The following PLEKHA5 variants were observed in gnomAD, a reference collection of about 807,000 sequenced individuals.
PLEKHA5 encodes pleckstrin homology domain-containing family A member 5.
In PLEKHA5, 55 loss-of-function variants were observed where a neutral mutation model predicts 181.9. That is an observed-to-expected ratio of 0.30 (90% CI 0.24 to 0.38). The LOEUF (loss-of-function observed/expected upper bound fraction) is 0.38, where lower values mean the gene tolerates loss of function less well. PLEKHA5 is among the 10% of genes least tolerant of loss of function. The pLI is 1.00. For missense variants in PLEKHA5, 1,432 were observed against 1,549.5 expected (o/e 0.92, Z 1.27); for synonymous variants, 535 against 529.4 (o/e 1.01, Z -0.15).
chr12:19,192,729 T>A (rs1034568682), intron 3 of PLEKHA5, among the ~76,000 whole-genome samples: 2 of 152,038 alleles, frequency 1.3e-5, no homozygotes, highest in Non-Finnish European at 2.9e-5. Context: ...AAGAAAAGAA[T>A]TTATTCTTAC....
intron 3 of PLEKHA5, among the ~76,000 whole-genome samples, chr12:19,141,108 A>G (rs1477922925): frequency 1.3e-5 from 2 of 152,004 alleles, no homozygotes; most frequent in African/African-American, 4.8e-5. Context: ...AACACTTCAC[A>G]CTGATTTCAA....
At chr12:19,319,911 T>C in intron 16 of PLEKHA5, 110 bp from the exon 17 acceptor site, 1 of 630,336 alleles carries the variant, frequency 1.6e-6, no homozygotes, top group Non-Finnish European at 2.6e-6. Context: ...ATAAACTTTT[T>C]ATGAAATTTG....
chr12:19,129,743 C>A lies in PLEKHA5; in HGVS notation c.-57C>A, dbSNP rs1276683439. The A allele has an allele frequency of 4.0e-5, 56 of 1,385,488 alleles. No individual in the cohort carries two copies. Among genetic ancestry groups the A allele is most frequent in the Non-Finnish European group, 5.4e-5 (53 of 990,414 alleles). The allele number at this position is 1,385,488 out of a possible 1,614,324, so 85.8% of individuals were successfully genotyped here. A position where few individuals can be genotyped will look rare whatever the true frequency, so the allele number is the denominator to read the frequency against. On this transcript the variant is annotated 5_prime_UTR_variant, in exon 1 of 32. Coordinates refer to ENST00000429027, the MANE Select transcript of PLEKHA5 (RefSeq NM_001256470.2). ...TCCCTTCGCTCGCTCGTTCCCTCCT[C>A]CCTCGGCAGCCGCGGCGGCAGCAGG...
chr12:19,363,112 T>G lies in PLEKHA5; in HGVS notation c.3608+1406T>G, dbSNP rs556604682. The stretch of plus-strand genomic sequence containing the variant: ...ATTTTCTTTTTTCTTTTAGCTATAT[T>G]TCTTTTTTTGTTTTTTTTTTGTTGT... On this transcript the variant is annotated intron_variant, in intron 29 of 31. Transcript: ENST00000429027. Among the ~76,000 whole-genome samples, 53 of 97,288 alleles carry G rather than the reference T, an allele frequency of 5.4e-4. No homozygotes were observed. The South Asian group carries it at 0.015, about 28-fold the overall frequency. 63.8% of individuals were successfully genotyped at this position (97,288 alleles called of 152,430 possible). A position where few individuals can be genotyped will look rare whatever the true frequency, so the allele number is the denominator to read the frequency against.
chr12:19,374,828 A>C (rs1053399991), intron 31 of PLEKHA5, among the ~76,000 whole-genome samples: 1 of 150,636 alleles, frequency 6.6e-6, no homozygotes, highest in Admixed American at 6.6e-5. Flanking sequence ...GGTGATGTGC[A>C]CCTGTAGTCC....
intron 3 of PLEKHA5, chr12:19,150,304 G>A (rs2040074804): frequency 6.6e-6 from 1 of 152,092 alleles, no homozygotes; most frequent in Non-Finnish European, 1.5e-5. Context: ...GTCCAAAATA[G>A]ATCTGACTGA....
chr12:19,265,982 C>T (rs1014955313), intron 8 of PLEKHA5, 132 bp downstream of exon 8: 3 of 465,130 alleles, frequency 6.4e-6, no homozygotes, highest in East Asian at 3.5e-5. Flanking sequence ...AATTAATGGT[C>T]TTATGGTTGT....
In PLEKHA5 at chr12:19,347,181, G is replaced by A. The variant is rs2094375782; in HGVS notation, c.2897G>A (p.Cys966Tyr). Residue 966 changes from cysteine (C) to tyrosine (Y), a missense_variant and splice_region_variant, in exon 24 of 32, where the codon TGT becomes TAT. Coordinates refer to ENST00000429027, the MANE Select transcript of PLEKHA5 (RefSeq NM_001256470.2). ...GGATATCCAAGAAATGGATCTCACT[G>A]TGTAAGTGGCTGGAATAGCCACAGA... is the stretch of plus-strand genomic sequence containing the variant. ...VQGYPRNGSHCGPDYRLYKSE... is the reference protein window; with the variant it reads ...VQGYPRNGSHYGPDYRLYKSE... 2 of 1,525,698 alleles carry A rather than the reference G, an allele frequency of 1.3e-6. No homozygotes were observed. The highest frequency in any genetic ancestry group is 1.8e-6 in the Non-Finnish European group (2 of 1,125,848). 94.5% of individuals were successfully genotyped at this position (1,525,698 alleles called of 1,614,324 possible). A position where few individuals can be genotyped will look rare whatever the true frequency, so the allele number is the denominator to read the frequency against.
At chr12:19,254,952 A>T in intron 4 of PLEKHA5, 93 bp from the exon 5 acceptor site, 1 of 1,083,522 alleles carries the variant, frequency 9.2e-7, no homozygotes, top group Non-Finnish European at 1.3e-6. Flanking sequence ...ACTGTGAAAA[A>T]GTAGGACACT....
chr12:19,155,497 C>T (rs1565876792), intron 3 of PLEKHA5, among the ~76,000 whole-genome samples: 1 of 152,064 alleles, frequency 6.6e-6, no homozygotes, highest in Non-Finnish European at 1.5e-5. Context: ...AGTTTGAGGA[C>T]CTGTGAATTT....
Position 19,130,034 on chromosome 12 carries a change from T to C in PLEKHA5, c.90-17T>C. ...CCCTCTCACGCTCCGTGTCTGCCCC[T>C]TCTCTCACCCCTGCAGCGAGGAGGC... On this transcript the variant is annotated splice_polypyrimidine_tract_variant and intron_variant, in intron 1 of 31. Coordinates refer to ENST00000429027, the MANE Select transcript of PLEKHA5 (RefSeq NM_001256470.2). The surrounding 1 kb of genome is among the most constrained non-coding windows in gnomAD (Gnocchi z 4.5). 3 of 1,572,000 alleles carry C rather than the reference T, an allele frequency of 1.9e-6. No homozygotes were observed. Among genetic ancestry groups the C allele is most frequent in the East Asian group, 2.4e-5 (1 of 42,200 alleles).
intron 3 of PLEKHA5, chr12:19,147,412 AG>A (rs2039189075): frequency 6.6e-6 from 1 of 152,194 alleles, no homozygotes; most frequent in Non-Finnish European, 1.5e-5. Flanking sequence ...TATATTCTAC[AG>A]GAATGAAGAA....
In PLEKHA5 at chr12:19,334,830, ATAT is replaced by A. The variant is rs1303383018; in HGVS notation, c.2449-1684_2449-1682del. 1.9e-3 allele frequency among the ~76,000 whole-genome samples: 72 copies of A among 36,970 alleles called. 7 individuals carry two copies. Among genetic ancestry groups the A allele is most frequent in the Admixed American group, 0.01 (25 of 2,480 alleles). 24.3% of individuals were successfully genotyped at this position (36,970 alleles called of 152,430 possible). A position where few individuals can be genotyped will look rare whatever the true frequency, so the allele number is the denominator to read the frequency against. ...AATCCTGTCTTCACAAAAAAAAAAAATATATATATATATATATATATATATATA... is the reference window on the plus strand; with the variant it reads ...AATCCTGTCTTCACAAAAAAAAAAAAATATATATATATATATATATATATA... On this transcript the variant is annotated intron_variant, in intron 20 of 31. Transcript: ENST00000429027.
chr12:19,156,996 G>A (rs929316774), intron 3 of PLEKHA5, among the ~76,000 whole-genome samples: 1 of 151,552 alleles, frequency 6.6e-6, no homozygotes, highest in African/African-American at 2.4e-5. Flanking sequence ...GAGCCAGAGT[G>A]CAGTGACCTG....
chr12:19,359,400 T>G lies in PLEKHA5; in HGVS notation c.3349-12T>G, dbSNP rs771566373. The G allele has an allele frequency of 1.9e-6, 3 of 1,610,382 alleles. No homozygotes were observed. The highest frequency in any genetic ancestry group is 1.7e-4 in the Middle Eastern group (1 of 6,058). ...AGTATGAGTATAAAAATGCTATATGTCTTTTGAGCAGACTCGAAGGAGGGA... is the reference window on the plus strand; with the variant it reads ...AGTATGAGTATAAAAATGCTATATGGCTTTTGAGCAGACTCGAAGGAGGGA... On this transcript the variant is annotated splice_polypyrimidine_tract_variant and intron_variant, in intron 27 of 31. Transcript: ENST00000429027.
intron 18 of PLEKHA5, chr12:19,321,539 A>ATT (rs3983603): frequency 0.66 from 89,474 of 136,240 alleles, 32,226 homozygotes; most frequent in Non-Finnish European, 0.83. Context: ...AACTTTTTGT[A>ATT]TTTTTTTTTT....
At chr12:19,189,662 C>T (rs2050648451) in intron 3 of PLEKHA5, among the ~76,000 whole-genome samples, 1 of 152,076 alleles carries the variant, frequency 6.6e-6, no homozygotes, top group South Asian at 2.1e-4. Flanking sequence ...TACCAGTCTG[C>T]AACTCAGGAA....
intron 22 of PLEKHA5, among the ~76,000 whole-genome samples, chr12:19,345,582 G>C (rs548481132): frequency 6.6e-6 from 1 of 151,720 alleles, no homozygotes; most frequent in Non-Finnish European, 1.5e-5. Context: ...TGACCAACAC[G>C]GTGAAACCCC....
Position 19,361,724 on chromosome 12 carries a change from C to T in PLEKHA5, c.3608+18C>T, listed in dbSNP as rs1433247657. The T allele has an allele frequency of 2.5e-6, 4 of 1,583,062 alleles. No homozygotes were observed. Among genetic ancestry groups the T allele is most frequent in the African/African-American group, 1.4e-5 (1 of 73,302 alleles). On this transcript the variant is annotated intron_variant, in intron 29 of 31. Coordinates refer to ENST00000429027, the MANE Select transcript of PLEKHA5 (RefSeq NM_001256470.2). ...ACATTCAGGTAATATTTAAGAAAAG[C>T]AAAGGAATCATTCACAAAACTGTGT...
Sources: allele counts gnomAD v4.1 joint callset (sites outside exome capture counted in the v4.1 genomes callset), GRCh38; gene constraint gnomAD v4.1.1; non-coding constraint Gnocchi (gnomAD v3.1); transcripts MANE v1.5; gene names NCBI Gene and HGNC (gene_info 2026-07-23, HGNC 2026-07-21).